Variants in TXNRD1 observed in about 807,000 individuals in gnomAD.
TXNRD1 encodes thioredoxin reductase 1.
TXNRD1 carries 57 observed loss-of-function variants against 80.3 expected under a neutral mutation model. The ratio of observed to expected loss-of-function variants is 0.71; its 90% CI spans 0.57 to 0.89. The LOEUF (loss-of-function observed/expected upper bound fraction) is 0.89, where lower values mean the gene tolerates loss of function less well. TXNRD1 is among the 40% of genes least tolerant of loss of function. TXNRD1 has a pLI of 0.00. For synonymous variants in TXNRD1, 291 were observed against 285.2 expected, an observed-to-expected ratio of 1.02 and a Z score of -0.20; for missense variants, 730 against 803.0, an observed-to-expected ratio of 0.91 and a Z score of 1.10.
At chr12:104,218,086 G>A (rs2032261467) in intron 1 of TXNRD1, among the ~76,000 whole-genome samples, 1 of 151,702 alleles carries the variant, frequency 6.6e-6, no homozygotes, top group South Asian at 2.1e-4. Context: ...GGAGTGCCGT[G>A]GCATGATCTT....
chr12:104,320,491 C>CATAAACA (rs1179426774), intron 9 of TXNRD1, among the ~76,000 whole-genome samples: 1 of 152,134 alleles, frequency 6.6e-6, no homozygotes, highest in Admixed American at 6.5e-5. Context: ...TTTGGGGATA[C>CATAAACA]ATAAACATTC....
rs1453545839 is a variant in TXNRD1, at chr12:104,218,467, C to T, written c.91+2574C>T. Among the ~76,000 whole-genome samples, 3 of 152,110 alleles carry T rather than the reference C, an allele frequency of 2.0e-5. No homozygotes were observed. The East Asian group carries it at 5.8e-4, about 29-fold the overall frequency. On this transcript the variant is annotated intron_variant, in intron 1 of 16. Transcript: ENST00000525566. ...CCAGGAGCCCCTCTAATGTCTCTTA[C>T]CCCCATACCAAGGGCAAACACTACT...
Position 104,277,879 on chromosome 12 carries a change from C to CTTT in TXNRD1, c.305-11039_305-11037dup, listed in dbSNP as rs140314717. Among the ~76,000 whole-genome samples the CTTT allele has an allele frequency of 1.1e-3, 158 of 141,818 alleles. 4 individuals are homozygous for CTTT. The highest frequency in any genetic ancestry group is 8.1e-3 in the East Asian group (39 of 4,794). 93.0% of individuals were successfully genotyped at this position (141,818 alleles called of 152,430 possible). A position where few individuals can be genotyped will look rare whatever the true frequency, so the allele number is the denominator to read the frequency against. ...CTGGTTTGTGACCTTTGGCAAGATT[C>CTTT]TTTTTTTTTTTTTTTGAGACGAAGT... On this transcript the variant is annotated intron_variant, in intron 3 of 16. Coordinates refer to ENST00000525566, the MANE Select transcript of TXNRD1 (RefSeq NM_001093771.3).
At chr12:104,267,699 TTCTCTCTTTCTTTCTTTCTTTC>T (rs2033553255) in intron 3 of TXNRD1, among the ~76,000 whole-genome samples, 5 of 46,444 alleles carry the variant, frequency 1.1e-4, no homozygotes, top group African/African-American at 2.9e-4. Context: ...CTTTCTTTCT[TTCTCTCTTTCTTTCTTTCTTTC>T]TCTTTCTTTC....
chr12:104,244,033 A>G (rs888237591), intron 1 of TXNRD1, among the ~76,000 whole-genome samples: 1 of 152,158 alleles, frequency 6.6e-6, no homozygotes, highest in Non-Finnish European at 1.5e-5. Flanking sequence ...CCCCCAGTTA[A>G]GTTGCATTCC....
At chr12:104,301,416 C>T (rs1258909713) in intron 4 of TXNRD1, among the ~76,000 whole-genome samples, 2 of 152,158 alleles carry the variant, frequency 1.3e-5, no homozygotes, top group African/African-American at 4.8e-5. Context: ...TGGCTCACTG[C>T]AAGCTCCGTC....
chr12:104,287,247 A>T (rs761137934), intron 3 of TXNRD1: 2 of 1,613,616 alleles, frequency 1.2e-6, no homozygotes, highest in South Asian at 2.2e-5. Flanking sequence ...AAGATATTTT[A>T]AGGCGTGTCT....
Position 104,350,137 on chromosome 12 carries a change from G to T in TXNRD1, c.*1716G>T, listed in dbSNP as rs1347040584. The T allele has an allele frequency of 1.3e-5, 2 of 152,156 alleles. No individual in the cohort carries two copies. The highest frequency in any genetic ancestry group is 4.8e-5 in the African/African-American group (2 of 41,490). The allele number at this position is 152,156 out of a possible 1,614,324, so 9.4% of individuals were successfully genotyped here. A position where few individuals can be genotyped will look rare whatever the true frequency, so the allele number is the denominator to read the frequency against. ...GTGGAATGTTCTATCCCCACAAGAA[G>T]GATTATATCTTATAGACTTGTCTTG... On this transcript the variant is annotated 3_prime_UTR_variant, in exon 17 of 17. Coordinates refer to ENST00000525566, the MANE Select transcript of TXNRD1 (RefSeq NM_001093771.3).
chr12:104,305,788 T>A (rs76216009), intron 4 of TXNRD1, among the ~76,000 whole-genome samples: 2,378 of 152,376 alleles, frequency 0.016, 37 homozygotes, highest in South Asian at 0.042. Flanking sequence ...GAATTTCTTC[T>A]CTGGCCCCTA....
At chr12:104,219,131 A>C (rs1264804171) in intron 1 of TXNRD1, among the ~76,000 whole-genome samples, 1 of 151,866 alleles carries the variant, frequency 6.6e-6, no homozygotes, top group Non-Finnish European at 1.5e-5. Flanking sequence ...TTTTGTAGAG[A>C]TAGGTCTCAC....
chr12:104,349,512 A>G lies in TXNRD1; in HGVS notation c.*1091A>G, dbSNP rs2135908861. The G allele has an allele frequency of 6.5e-6, 1 of 152,762 alleles. No homozygotes were observed. Among genetic ancestry groups the G allele is most frequent in the Admixed American group, 6.5e-5 (1 of 15,290 alleles). The allele number at this position is 152,762 out of a possible 1,614,324, so 9.5% of individuals were successfully genotyped here. A position where few individuals can be genotyped will look rare whatever the true frequency, so the allele number is the denominator to read the frequency against. On this transcript the variant is annotated 3_prime_UTR_variant, in exon 17 of 17. Transcript: ENST00000525566. ...ACACAGGTGGATGTGAAGGATTTTC[A>G]TTTAAAAACCAAGTGGTTTTGACTT...
intron 4 of TXNRD1, among the ~76,000 whole-genome samples, chr12:104,292,118 G>A (rs539256139): frequency 6.6e-6 from 1 of 152,218 alleles, no homozygotes; most frequent in Non-Finnish European, 1.5e-5. Flanking sequence ...CCTTTTCCCT[G>A]AATAAACAAC....
chr12:104,309,740 A>G (rs1407584780), intron 4 of TXNRD1: 1 of 1,502,210 alleles, frequency 6.7e-7, no homozygotes, highest in Non-Finnish European at 8.9e-7. Flanking sequence ...ATTATTACCA[A>G]ATTGTTTTTC....
chr12:104,315,388 A>G lies in TXNRD1; in HGVS notation c.611-389A>G, dbSNP rs528427848. 3.0e-4 allele frequency among the ~76,000 whole-genome samples: 45 copies of G among 152,334 alleles called. 1 individual carries two copies. In the East Asian group the frequency reaches 8.5e-3, roughly 29 times the overall value. On this transcript the variant is annotated intron_variant, in intron 6 of 16. Coordinates refer to ENST00000525566, the MANE Select transcript of TXNRD1 (RefSeq NM_001093771.3). ...ATATAATTTACTGAATACTGAACTG[A>G]AAGTGAAACACAGTATGGGTGTATG... is the stretch of plus-strand genomic sequence containing the variant.
In TXNRD1 at chr12:104,313,238, T is replaced by G. The variant is rs766530523; in HGVS notation, c.538-7T>G. On this transcript the variant is annotated splice_polypyrimidine_tract_variant and splice_region_variant and intron_variant, in intron 5 of 16. Coordinates refer to ENST00000525566, the MANE Select transcript of TXNRD1 (RefSeq NM_001093771.3). Reference sequence around the variant, plus strand: ...TTCCAACTCACTTTAATAATTTTATTTTCCAGGAGGCAGCCCAATATGGCA... The same window carrying G: ...TTCCAACTCACTTTAATAATTTTATGTTCCAGGAGGCAGCCCAATATGGCA... The G allele has an allele frequency of 8.3e-6, 13 of 1,571,974 alleles. No homozygotes were observed. The Admixed American group carries it at 2.2e-4, about 27-fold the overall frequency.
chr12:104,295,295 T>C (rs145562147), intron 4 of TXNRD1, among the ~76,000 whole-genome samples: 1 of 152,334 alleles, frequency 6.6e-6, no homozygotes, highest in Non-Finnish European at 1.5e-5. Context: ...TCACTTCTCC[T>C]GTTTACTCAC....
At chr12:104,319,256 G>A (rs999879657) in intron 8 of TXNRD1, among the ~76,000 whole-genome samples, 1 of 152,146 alleles carries the variant, frequency 6.6e-6, no homozygotes, top group South Asian at 2.1e-4. Context: ...GGACCAGACC[G>A]CCTGGTTTTG....
At chr12:104,326,459 GATTT>G in intron 12 of TXNRD1, 36 bp downstream of exon 12, 1 of 810,586 alleles carries the variant, frequency 1.2e-6, no homozygotes, top group Non-Finnish European at 1.8e-6. Context: ...ATATTTGTGG[GATTT>G]TTTTTTTTTT....
intron 2 of TXNRD1, among the ~76,000 whole-genome samples, chr12:104,254,644 A>AAAAAAAAAAAAAATATATATATATATAT: frequency 4.3e-5 from 4 of 93,640 alleles, no homozygotes; most frequent in South Asian, 3.5e-4. Flanking sequence ...AAAAAAAAAA[A>AAAAAAAAAAAAAATATATATATATATAT]ATATATATAT....
Sources: allele counts gnomAD v4.1 joint callset (sites outside exome capture counted in the v4.1 genomes callset), GRCh38; gene constraint gnomAD v4.1.1; transcripts MANE v1.5; gene names NCBI Gene and HGNC (gene_info 2026-07-23, HGNC 2026-07-21).